Variants in KCNJ12 observed in about 807,000 individuals in gnomAD.
KCNJ12 encodes ATP-sensitive inward rectifier potassium channel 12.
In KCNJ12, 2 loss-of-function variants were observed where a neutral mutation model predicts 22.3. The ratio of observed to expected loss-of-function variants is 0.09; its 90% CI spans 0.04 to 0.28. KCNJ12 has a LOEUF of 0.28. Ranked by LOEUF, KCNJ12 falls within the 10% of genes least tolerant of loss-of-function variation. The pLI is 1.00. For synonymous variants in KCNJ12, 117 were observed against 261.4 expected (o/e 0.45, Z 5.33); for missense variants, 155 against 633.3 (o/e 0.24, Z 8.11).
rs1224727222 is a variant in KCNJ12 at position 21,402,265 on chromosome 17, A to G, written c.-178-6254A>G. Among the ~76,000 whole-genome samples the G allele has an allele frequency of 2.0e-5, 3 of 152,402 alleles. No homozygotes were observed. In the East Asian group the frequency reaches 5.8e-4, roughly 29 times the overall value. On this transcript the variant is annotated intron_variant, in intron 1 of 2. Transcript: ENST00000583088. ...TCTTCTCACTAGCTCTCCAGATGTC[A>G]CCTACTCAGGCAGTCTTCCCTGACC...
At chr17:21,380,977 T>C (rs1190902113) in intron 1 of KCNJ12, among the ~76,000 whole-genome samples, 4 of 152,204 alleles carry the variant, frequency 2.6e-5, no homozygotes, top group Non-Finnish European at 5.9e-5. Flanking sequence ...AGCATGAGGC[T>C]GTGGAGACCT....
chr17:21,411,815 C>A (rs1906364954), intron 2 of KCNJ12, among the ~76,000 whole-genome samples: 2 of 152,312 alleles, frequency 1.3e-5, no homozygotes, highest in African/African-American at 4.8e-5. Flanking sequence ...TCCTATATTT[C>A]TTATATTGCG....
At chr17:21,415,228 G>T in intron 2 of KCNJ12, 59 bp from the exon 3 acceptor site, 1 of 1,488,240 alleles carries the variant, frequency 6.7e-7, no homozygotes, top group Non-Finnish European at 9.0e-7. Context: ...GCCCTGGGAT[G>T]GGGGTAGAGG....
Position 21,418,765 on chromosome 17 carries a change from T to C in KCNJ12, c.*2121T>C, listed in dbSNP as rs1194219047. On this transcript the variant is annotated 3_prime_UTR_variant, in exon 3 of 3. Transcript: ENST00000583088. Reference sequence around the variant, plus strand: ...TTAGCCCTGGGTACTGGGGTGAAGTTGGCAGGGGAGAGCTTGACACTTCGC... The same window carrying C: ...TTAGCCCTGGGTACTGGGGTGAAGTCGGCAGGGGAGAGCTTGACACTTCGC... 6.0e-6 allele frequency: 1 copy of C among 167,190 alleles called. No homozygotes were observed. The highest frequency in any genetic ancestry group is 2.4e-5 in the African/African-American group (1 of 41,462). 10.4% of individuals were successfully genotyped at this position (167,190 alleles called of 1,614,324 possible). A position where few individuals can be genotyped will look rare whatever the true frequency, so the allele number is the denominator to read the frequency against.
At chr17:21,395,293 G>GAAAAAAAAAAAAA (rs1161884090) in intron 1 of KCNJ12, among the ~76,000 whole-genome samples, 2 of 55,658 alleles carry the variant, frequency 3.6e-5, no homozygotes, top group Non-Finnish European at 1.1e-4. Flanking sequence ...AGATCCTAAA[G>GAAAAAAAAAAAAA]AAAAAAAAAA....
At chr17:21,408,370 A>G (rs1906107834) in intron 1 of KCNJ12, 149 bp from the exon 2 acceptor site, 1 of 152,268 alleles carries the variant, frequency 6.6e-6, no homozygotes, top group Admixed American at 6.5e-5. Context: ...TGGGGCATCA[A>G]AGGTGCAGGC....
At chr17:21,413,748 GGC>G (rs1225376230) in intron 2 of KCNJ12, among the ~76,000 whole-genome samples, 1 of 152,312 alleles carries the variant, frequency 6.6e-6, no homozygotes, top group Admixed American at 6.5e-5. Flanking sequence ...GCACGTCAGT[GGC>G]TGAGAGCAGG....
intron 2 of KCNJ12, among the ~76,000 whole-genome samples, chr17:21,408,988 C>T (rs12946212): frequency 1.3e-5 from 2 of 152,306 alleles, no homozygotes; most frequent in Admixed American, 6.5e-5. Context: ...GACCACCCAC[C>T]TGTTGATTCA....
chr17:21,409,287 G>T (rs1906176137), intron 2 of KCNJ12, among the ~76,000 whole-genome samples: 1 of 152,312 alleles, frequency 6.6e-6, no homozygotes, highest in African/African-American at 2.4e-5. Context: ...CAGTATTGTG[G>T]GGCAGAAGGA....
rs1904649575 is a variant in KCNJ12, at chr17:21,376,407, C to T, written c.-685C>T. 1 of 151,854 alleles carries T rather than the reference C, an allele frequency of 6.6e-6. No individual in the cohort carries two copies. Among genetic ancestry groups the T allele is most frequent in the African/African-American group, 2.4e-5 (1 of 41,346 alleles). The allele number at this position is 151,854 out of a possible 1,614,324, so 9.4% of individuals were successfully genotyped here. The stretch of plus-strand genomic sequence containing the variant: ...AGCGAGGCGCGGAGCTGGGTGCGCG[C>T]CGAGCCTCTGCCTCCCGCCGCCTCC... On this transcript the variant is annotated 5_prime_UTR_variant, in exon 1 of 3. Coordinates refer to ENST00000583088, the MANE Select transcript of KCNJ12 (RefSeq NM_021012.5). This position sits in a 1 kb window ranked among gnomAD's most constrained non-coding sequence, Gnocchi z 5.3.
chr17:21,400,132 G>A (rs1229899918), intron 1 of KCNJ12, among the ~76,000 whole-genome samples: 34 of 152,338 alleles, frequency 2.2e-4, no homozygotes, highest in Admixed American at 2.0e-3. Flanking sequence ...AGGAAAAAGT[G>A]CAGCCAGTGC....
intron 2 of KCNJ12, among the ~76,000 whole-genome samples, chr17:21,410,867 G>T (rs1285779575): frequency 2.6e-5 from 4 of 152,304 alleles, no homozygotes; most frequent in African/African-American, 9.6e-5. Context: ...ACAGTGTGAT[G>T]GAAGGGATTA....
chr17:21,379,809 C>T (rs1241406468), intron 1 of KCNJ12, among the ~76,000 whole-genome samples: 2 of 151,778 alleles, frequency 1.3e-5, no homozygotes, highest in African/African-American at 4.8e-5. Flanking sequence ...GGGGGCCTGG[C>T]AGAGGCAGGT....
At position 21,418,291 on chromosome 17, in the gene KCNJ12, C is replaced by G. The variant is rs539674013; in HGVS notation, c.*1647C>G. 4.1e-3 allele frequency: 587 copies of G among 143,692 alleles called. 5 individuals are homozygous for G. Among genetic ancestry groups the G allele is most frequent in the African/African-American group, 0.022 (521 of 23,448 alleles). The allele number at this position is 143,692 out of a possible 1,614,324, so 8.9% of individuals were successfully genotyped here. ...TCCTGCTCCAACTCTGCCCCCGAGA[C>G]AGCTCAGAGCCAGAAGGCACCCCGA... On this transcript the variant is annotated 3_prime_UTR_variant, in exon 3 of 3. Transcript: ENST00000583088.
intron 1 of KCNJ12, among the ~76,000 whole-genome samples, chr17:21,404,550 G>A (rs1905819005): frequency 6.6e-6 from 1 of 152,382 alleles, no homozygotes; most frequent in African/African-American, 2.4e-5. Flanking sequence ...GAGAGGGACA[G>A]AGCCCTGCTC....
At chr17:21,390,124 A>G (rs1555559142) in intron 1 of KCNJ12, among the ~76,000 whole-genome samples, 2 of 151,898 alleles carry the variant, frequency 1.3e-5, no homozygotes, top group East Asian at 3.9e-4. Context: ...CACCTCTTTC[A>G]CTGAGAAAAT....
At chr17:21,382,755 G>A (rs1904916119) in intron 1 of KCNJ12, among the ~76,000 whole-genome samples, 1 of 152,144 alleles carries the variant, frequency 6.6e-6, no homozygotes. Flanking sequence ...TGCCCGGTTG[G>A]CCAGGTGTGC....
intron 1 of KCNJ12, among the ~76,000 whole-genome samples, chr17:21,380,462 A>G (rs1482048881): frequency 6.6e-6 from 1 of 152,056 alleles, no homozygotes; most frequent in African/African-American, 2.4e-5. Context: ...GGACAGACTC[A>G]GGGGGGCAAG....
intron 1 of KCNJ12, among the ~76,000 whole-genome samples, chr17:21,383,397 C>T (rs1049126563): frequency 1.3e-5 from 2 of 150,330 alleles, no homozygotes; most frequent in African/African-American, 2.4e-5. Context: ...GGCTGGGGGG[C>T]GCCGAGGCCA....
Sources: allele counts gnomAD v4.1 joint callset (sites outside exome capture counted in the v4.1 genomes callset), GRCh38; gene constraint gnomAD v4.1.1; non-coding constraint Gnocchi (gnomAD v3.1); transcripts MANE v1.5; gene names NCBI Gene and HGNC (gene_info 2026-07-23, HGNC 2026-07-21).